TSC2: variants seen among roughly 807,000 people sequenced by gnomAD.
TSC2 encodes the protein tuberin.
A neutral mutation model predicts 202.2 loss-of-function variants in TSC2; 29 were observed. The ratio of observed to expected loss-of-function variants is 0.14; its 90% CI spans 0.11 to 0.20. The LOEUF (loss-of-function observed/expected upper bound fraction) is 0.20. Ranked by LOEUF, TSC2 falls within the 10% of genes least tolerant of loss-of-function variation. The pLI, the probability that TSC2 is intolerant of heterozygous loss-of-function variation, is 1.00. For synonymous variants in TSC2, 1,349 were observed against 1,044.0 expected (o/e 1.29, Z -5.63); for missense variants, 2,429 against 2,420.0 (o/e 1.00, Z -0.08).
In TSC2 at chr16:2,048,439, G is replaced by C. The variant is rs2084637872; in HGVS notation, c.-29-148G>C. The stretch of plus-strand genomic sequence containing the variant: ...TAGGTGCCTGTTTGCGAGCTGGTCA[G>C]CTGGGCTGTAGTTGAGTTCTCCCAG... On this transcript the variant is annotated intron_variant, in intron 1 of 41. Coordinates refer to ENST00000219476, the MANE Select transcript of TSC2 (RefSeq NM_000548.5). 4.7e-6 allele frequency: 5 copies of C among 1,062,614 alleles called. No homozygotes were observed. The South Asian group carries it at 6.7e-5, about 14-fold the overall frequency. 65.8% of individuals were successfully genotyped at this position (1,062,614 alleles called of 1,614,324 possible). A position where few individuals can be genotyped will look rare whatever the true frequency, so the allele number is the denominator to read the frequency against.
At chr16:2,068,095 A>C (rs1454388472) in intron 16 of TSC2, among the ~76,000 whole-genome samples, 1 of 152,266 alleles carries the variant, frequency 6.6e-6, no homozygotes, top group Middle Eastern at 3.4e-3. Context: ...GCTGGAGTGC[A>C]GCGGCACGAT....
At chr16:2,076,021 TG>T in intron 23 of TSC2, 46 bp from the exon 24 acceptor site, 1 of 1,613,498 alleles carries the variant, frequency 6.2e-7, no homozygotes, top group South Asian at 1.1e-5. Context: ...GCCCTGGGGA[TG>T]TTTCCCTGCT....
At chr16:2,085,827 T>C (rs2090708649) in intron 36 of TSC2, among the ~76,000 whole-genome samples, 1 of 152,182 alleles carries the variant, frequency 6.6e-6, no homozygotes, top group South Asian at 2.1e-4. Context: ...AGAGGGCACA[T>C]GGCCTGACTC....
At chr16:2,081,331 A>G in intron 30 of TSC2, 1 of 538,016 alleles carries the variant, frequency 1.9e-6, no homozygotes, top group Non-Finnish European at 3.4e-6. Flanking sequence ...GCCCTCGTGG[A>G]GGCCTTGGGT....
At chr16:2,087,072 C>G (rs968947451) in intron 38 of TSC2, 27 of 756,414 alleles carry the variant, frequency 3.6e-5, no homozygotes, top group Admixed American at 2.9e-4. Context: ...GCGCCTGCTG[C>G]TGAGTGTCTG....
chr16:2,080,149 C>T lies in TSC2; in HGVS notation c.3398-16C>T, dbSNP rs1231192960. 9 of 1,612,822 alleles carry T rather than the reference C, an allele frequency of 5.6e-6. No individual in the cohort carries two copies. The highest frequency in any genetic ancestry group is 7.6e-6 in the Non-Finnish European group (9 of 1,179,890). The stretch of plus-strand genomic sequence containing the variant: ...CAGGTAAGTGGTGGTCACCAGTCCT[C>T]TGCCCTCTTCTTCAGGGGGCCATGG... On this transcript the variant is annotated splice_polypyrimidine_tract_variant and intron_variant, in intron 29 of 41. Coordinates refer to ENST00000219476, the MANE Select transcript of TSC2 (RefSeq NM_000548.5).
At chr16:2,050,218 A>G (rs1287321177) in intron 2 of TSC2, among the ~76,000 whole-genome samples, 182 bp from the exon 3 acceptor site, 1 of 152,110 alleles carries the variant, frequency 6.6e-6, no homozygotes, top group Admixed American at 6.6e-5. Context: ...TGGCCCCCCA[A>G]AGTGCAGGGA....
chr16:2,088,714 T>A lies in TSC2; in HGVS notation c.*104T>A, dbSNP rs890728712. The A allele has an allele frequency of 7.0e-7, 1 of 1,431,668 alleles. No individual in the cohort carries two copies. Among genetic ancestry groups the A allele is most frequent in the East Asian group, 2.5e-5 (1 of 40,096 alleles). 88.7% of individuals were successfully genotyped at this position (1,431,668 alleles called of 1,614,324 possible). A position where few individuals can be genotyped will look rare whatever the true frequency, so the allele number is the denominator to read the frequency against. ...ACAGACATAGAGGCACAGATTGCAG[T>A]CAGACAGCTCTTTTATTGACTTTGT... On this transcript the variant is annotated 3_prime_UTR_variant, in exon 42 of 42. Coordinates refer to ENST00000219476, the MANE Select transcript of TSC2 (RefSeq NM_000548.5).
rs762298669 is a variant in TSC2, at chr16:2,079,442, C to T, written c.3284+14C>T. The T allele has an allele frequency of 6.2e-7, 1 of 1,612,626 alleles. No individual in the cohort carries two copies. Among genetic ancestry groups the T allele is most frequent in the Non-Finnish European group, 8.5e-7 (1 of 1,179,946 alleles). On this transcript the variant is annotated intron_variant, in intron 28 of 41. Coordinates refer to ENST00000219476, the MANE Select transcript of TSC2 (RefSeq NM_000548.5). The surrounding 1 kb of genome is among the most constrained non-coding windows in gnomAD (Gnocchi z 4.6). Reference sequence around the variant, plus strand: ...CCCGGAGTCGAGGTGACTGCACCTTCCTTTCCTCCGCGCCTGCCAGCCTCG... The same window carrying T: ...CCCGGAGTCGAGGTGACTGCACCTTTCTTTCCTCCGCGCCTGCCAGCCTCG...
intron 32 of TSC2, chr16:2,082,722 C>G (rs533194612): frequency 7.3e-5 from 46 of 632,140 alleles, no homozygotes; most frequent in Non-Finnish European, 1.2e-4. Flanking sequence ...CCTGTTCCCA[C>G]GCTGTGCGAG....
At chr16:2,062,764 C>A in intron 13 of TSC2, 164 bp downstream of exon 13, 1 of 923,494 alleles carries the variant, frequency 1.1e-6, no homozygotes, top group Non-Finnish European at 1.7e-6. Context: ...CTTTCCAGTC[C>A]AGCAGGACAG....
intron 5 of TSC2, 96 bp from the exon 6 acceptor site, chr16:2,055,306 T>A (rs1407324609): frequency 2.1e-6 from 2 of 941,186 alleles, no homozygotes; most frequent in Non-Finnish European, 3.5e-6. Flanking sequence ...TTTCTGGCAG[T>A]GACGGGTTTG....
intron 30 of TSC2, chr16:2,080,595 T>G: frequency 1.7e-6 from 1 of 589,018 alleles, no homozygotes; most frequent in South Asian, 2.0e-5. Flanking sequence ...GCCATTCTCC[T>G]GCCTCAGCCT....
chr16:2,070,577 A>G lies in TSC2; in HGVS notation c.1838A>G (p.Gln613Arg), dbSNP rs2151282389. Residue 613 changes from glutamine to arginine, a missense_variant and splice_region_variant, in exon 17 of 42, where the codon CAG (glutamine) becomes CGG (arginine). Gln to Arg is a conservative substitution (Grantham distance 43). Transcript: ENST00000219476. ...TLPIASSIRL[Q>R]AFDFLLLLRA... ...CCAATCGCGAGCAGCATCCGGCTGC[A>G]GGTATGGTGGCTGGGGTTGCGCAGC... 6.2e-7 allele frequency: 1 copy of G among 1,613,068 alleles called. No individual in the cohort carries two copies. The highest frequency in any genetic ancestry group is 8.5e-7 in the Non-Finnish European group (1 of 1,180,022).
chr16:2,075,525 C>CAAAAAAAAAAAAA (rs933350142), intron 22 of TSC2, among the ~76,000 whole-genome samples: 6 of 27,304 alleles, frequency 2.2e-4, no homozygotes, highest in African/African-American at 6.3e-4. Context: ...AGACTCATCT[C>CAAAAAAAAAAAAA]AAAAAAAAAA....
At chr16:2,083,920 T>C in intron 33 of TSC2, 104 bp downstream of exon 33, 2 of 1,479,648 alleles carry the variant, frequency 1.4e-6, no homozygotes, top group Non-Finnish European at 1.8e-6. Context: ...GGCTCTGAAC[T>C]TGGGGGAGAT....
chr16:2,055,389 G>C lies in TSC2; in HGVS notation c.482-13G>C, dbSNP rs1221885368. 6.2e-7 allele frequency: 1 copy of C among 1,611,708 alleles called. No homozygotes were observed. The highest frequency in any genetic ancestry group is 8.5e-7 in the Non-Finnish European group (1 of 1,177,954). On this transcript the variant is annotated splice_polypyrimidine_tract_variant and intron_variant, in intron 5 of 41. Coordinates refer to ENST00000219476, the MANE Select transcript of TSC2 (RefSeq NM_000548.5). Reference sequence around the variant, plus strand: ...TTCGGCGTCCTCGCAAACTGCCGCCGCTTCTCCCCCAGCTGACTTTGTCCT... The same window carrying C: ...TTCGGCGTCCTCGCAAACTGCCGCCCCTTCTCCCCCAGCTGACTTTGTCCT...
At chr16:2,066,687 ACT>A (rs2087418572) in intron 16 of TSC2, among the ~76,000 whole-genome samples, 5 of 105,962 alleles carry the variant, frequency 4.7e-5, no homozygotes, top group African/African-American at 1.8e-4. Context: ...ATACAGTCTC[ACT>A]CTGTCGCCCA....
At chr16:2,052,372 C>T (rs1309851405) in intron 3 of TSC2, among the ~76,000 whole-genome samples, 1 of 151,922 alleles carries the variant, frequency 6.6e-6, no homozygotes, top group Non-Finnish European at 1.5e-5. Flanking sequence ...TGCAGTGTCA[C>T]AATCATGGCT....
Sources: allele counts gnomAD v4.1 joint callset (sites outside exome capture counted in the v4.1 genomes callset), GRCh38; gene constraint gnomAD v4.1.1; non-coding constraint Gnocchi (gnomAD v3.1); transcripts MANE v1.5; gene names NCBI Gene and HGNC (gene_info 2026-07-23, HGNC 2026-07-21).